CEP85L: variants seen among roughly 807,000 people sequenced by gnomAD.
CEP85L encodes centrosomal protein 85L, also known as centrosomal protein of 85 kDa-like.
A neutral mutation model predicts 100.3 loss-of-function variants in CEP85L; 60 were observed. The ratio of observed to expected loss-of-function variants is 0.60; its 90% CI spans 0.49 to 0.74. The LOEUF (loss-of-function observed/expected upper bound fraction) is 0.74. CEP85L is among the 30% of genes least tolerant of loss of function. CEP85L has a pLI of 0.00. For synonymous variants in CEP85L, 319 were observed against 322.7 expected (o/e 0.99, Z 0.12); for missense variants, 973 against 936.2 (o/e 1.04, Z -0.51).
chr6:118,694,322 A>G (rs1338194396), intron 1 of CEP85L, among the ~76,000 whole-genome samples: 1 of 152,198 alleles, frequency 6.6e-6, no homozygotes, highest in Non-Finnish European at 1.5e-5. Flanking sequence ...CATTGTTCAA[A>G]TTCATTACCA....
chr6:118,468,037 A>G lies in CEP85L; in HGVS notation c.2254+1035T>C, dbSNP rs145350888. Among the ~76,000 whole-genome samples the G allele has an allele frequency of 2.0e-5, 3 of 152,302 alleles. No homozygotes were observed. In the East Asian group the frequency reaches 5.8e-4, roughly 29 times the overall value. On this transcript the variant is annotated intron_variant, in intron 12 of 12. Coordinates refer to ENST00000368491, the MANE Select transcript of CEP85L (RefSeq NM_001042475.3). ...CACTTACTTAGTGTCTGGACCATAGAAGGCATCTGATAAATGTTTACTCCG... is the reference window on the plus strand; with the variant it reads ...CACTTACTTAGTGTCTGGACCATAGGAGGCATCTGATAAATGTTTACTCCG...
chr6:118,527,032 T>C (rs1235155652), intron 3 of CEP85L, among the ~76,000 whole-genome samples: 1 of 139,198 alleles, frequency 7.2e-6, no homozygotes, highest in Non-Finnish European at 1.5e-5. Context: ...TTTTTTTAAT[T>C]GAGACGCAGT....
At chr6:118,681,711 C>T (rs1402394483) in intron 1 of CEP85L, among the ~76,000 whole-genome samples, 2 of 148,082 alleles carry the variant, frequency 1.4e-5, no homozygotes, top group African/African-American at 4.9e-5. Flanking sequence ...ATAAATAGAT[C>T]TATTTTACCT....
At chr6:118,640,732 G>A (rs1357673364) in intron 1 of CEP85L, among the ~76,000 whole-genome samples, 1 of 152,150 alleles carries the variant, frequency 6.6e-6, no homozygotes, top group East Asian at 1.9e-4. Context: ...GTTTCGCCAT[G>A]TTGGCCAGGC....
At chr6:118,477,055 A>G (rs1773436283) in intron 10 of CEP85L, among the ~76,000 whole-genome samples, 2 of 152,154 alleles carry the variant, frequency 1.3e-5, no homozygotes, top group South Asian at 4.1e-4. Context: ...TGGAATTGAC[A>G]AGCAACATTC....
intron 3 of CEP85L, among the ~76,000 whole-genome samples, chr6:118,558,031 C>A (rs1362930245): frequency 6.6e-6 from 1 of 150,832 alleles, no homozygotes; most frequent in African/African-American, 2.4e-5. Flanking sequence ...GTGGCATGAT[C>A]TGGGCTCAAT....
intron 2 of CEP85L, among the ~76,000 whole-genome samples, chr6:118,605,356 T>C (rs1194256302): frequency 6.6e-6 from 1 of 152,186 alleles, no homozygotes; most frequent in African/African-American, 2.4e-5. Flanking sequence ...GGATGTTTCC[T>C]TATCTTCCAG....
intron 3 of CEP85L, among the ~76,000 whole-genome samples, chr6:118,545,636 T>A (rs1778156670): frequency 6.6e-6 from 1 of 152,158 alleles, no homozygotes; most frequent in Admixed American, 6.6e-5. Context: ...TTTAAAATGC[T>A]ACAAAACTAT....
intron 5 of CEP85L, among the ~76,000 whole-genome samples, chr6:118,493,868 T>C (rs1006277729): frequency 6.6e-5 from 10 of 152,216 alleles, no homozygotes; most frequent in South Asian, 4.2e-4. Flanking sequence ...AAGATAGATA[T>C]GGAACTCAGG....
chr6:118,646,607 T>C (rs1288981871), intron 1 of CEP85L, among the ~76,000 whole-genome samples: 1 of 151,772 alleles, frequency 6.6e-6, no homozygotes, highest in African/African-American at 2.4e-5. Context: ...AGACGGAGGT[T>C]GCTGTGAGCC....
intron 2 of CEP85L, among the ~76,000 whole-genome samples, chr6:118,588,324 T>C (rs1350275468): frequency 6.6e-6 from 1 of 152,200 alleles, no homozygotes; most frequent in Non-Finnish European, 1.5e-5. Context: ...TTAATATCTC[T>C]ATTATAATGC....
At chr6:118,644,506 T>C (rs1775063633) in intron 1 of CEP85L, among the ~76,000 whole-genome samples, 1 of 152,144 alleles carries the variant, frequency 6.6e-6, no homozygotes, top group Non-Finnish European at 1.5e-5. Flanking sequence ...ACATCTCACC[T>C]GAATTTCTCA....
At chr6:118,628,154 A>C (rs1330846416) in intron 2 of CEP85L, among the ~76,000 whole-genome samples, 1 of 152,174 alleles carries the variant, frequency 6.6e-6, no homozygotes, top group Non-Finnish European at 1.5e-5. Context: ...AAAAATAAAA[A>C]GTACAAGGCA....
intron 1 of CEP85L, among the ~76,000 whole-genome samples, chr6:118,664,005 C>T (rs1012105912): frequency 9.3e-5 from 14 of 151,130 alleles, no homozygotes; most frequent in African/African-American, 3.4e-4. Flanking sequence ...AAGTGATCCT[C>T]CTGCCTCAGC....
At chr6:118,652,337 T>TATA (rs1775615754), upstream of CEP85L, 6 of 947,378 alleles carry the variant, frequency 6.3e-6, no homozygotes, top group Non-Finnish European at 7.6e-6. Context: ...CCTGAACCCT[T>TATA]AGTGCAGGAG....
chr6:118,574,265 T>C (rs1780083914), intron 2 of CEP85L, among the ~76,000 whole-genome samples: 1 of 152,212 alleles, frequency 6.6e-6, no homozygotes, highest in African/African-American at 2.4e-5. Context: ...ATGTTCACCA[T>C]AGTTAGAAAA....
At chr6:118,522,670 G>A (rs1323073259) in intron 4 of CEP85L, among the ~76,000 whole-genome samples, 1 of 152,088 alleles carries the variant, frequency 6.6e-6, no homozygotes, top group Non-Finnish European at 1.5e-5. Context: ...TTGAGGCCAG[G>A]AGTTCAAGAC....
chr6:118,571,135 T>C (rs1444874322), intron 2 of CEP85L, among the ~76,000 whole-genome samples: 1 of 152,192 alleles, frequency 6.6e-6, no homozygotes, highest in Non-Finnish European at 1.5e-5. Context: ...AAATGTTAAC[T>C]TTAACAATTT....
At chr6:118,558,590 GAGAA>G (rs1460974215) in intron 3 of CEP85L, among the ~76,000 whole-genome samples, 3 of 150,472 alleles carry the variant, frequency 2.0e-5, no homozygotes, top group South Asian at 2.1e-4. Flanking sequence ...CAAAAAAGGA[GAGAA>G]AGAGAGACAG....
Sources: allele counts gnomAD v4.1 joint callset (sites outside exome capture counted in the v4.1 genomes callset), GRCh38; gene constraint gnomAD v4.1.1; transcripts MANE v1.5; gene names NCBI Gene and HGNC (gene_info 2026-07-23, HGNC 2026-07-21).